Variants in CNBD1 observed in about 807,000 individuals in gnomAD.
The protein encoded by CNBD1 is cyclic nucleotide-binding domain-containing protein 1.
In CNBD1, 71 loss-of-function variants were observed where a neutral mutation model predicts 54.4. The ratio of observed to expected loss-of-function variants is 1.30; its 90% CI spans 1.08 to 1.59. CNBD1 has a LOEUF of 1.59. Ranked by LOEUF, CNBD1 falls within the 40% of genes most tolerant of loss-of-function variation. CNBD1 has a pLI of 0.00. For synonymous variants in CNBD1, 182 were observed against 170.7 expected, an observed-to-expected ratio of 1.07 and a Z score of -0.51; for missense variants, 659 against 518.0, an observed-to-expected ratio of 1.27 and a Z score of -2.64.
At chr8:87,389,261 C>A (rs1367593396) in intron 2 of CNBD1, among the ~76,000 whole-genome samples, 2 of 152,220 alleles carry the variant, frequency 1.3e-5, no homozygotes, top group East Asian at 3.9e-4. Context: ...GGCAATCAGG[C>A]AGGAGAAGGA....
At chr8:87,185,196 G>A (rs1351575992) in intron 4 of CNBD1, among the ~76,000 whole-genome samples, 1 of 151,970 alleles carries the variant, frequency 6.6e-6, no homozygotes, top group Non-Finnish European at 1.5e-5. Context: ...TCTTTTTTGA[G>A]GTGATTGTTT....
chr8:87,276,143 G>C (rs75403798), intron 6 of CNBD1, among the ~76,000 whole-genome samples: 1 of 151,862 alleles, frequency 6.6e-6, no homozygotes, highest in Non-Finnish European at 1.5e-5. Flanking sequence ...AGGCATTGGA[G>C]AGTCTTTGTT....
chr8:87,085,621 G>T (rs575388227), intron 4 of CNBD1, among the ~76,000 whole-genome samples: 1 of 152,236 alleles, frequency 6.6e-6, no homozygotes, highest in East Asian at 1.9e-4. Context: ...CAGCTGAGTA[G>T]CAAGTTTTCC....
At chr8:87,415,804 G>A (rs1320420386) in intron 2 of CNBD1, among the ~76,000 whole-genome samples, 2 of 151,480 alleles carry the variant, frequency 1.3e-5, no homozygotes, top group Admixed American at 1.3e-4. Context: ...ATTATCAAAC[G>A]GGAATAATAA....
intron 2 of CNBD1, among the ~76,000 whole-genome samples, chr8:87,407,589 A>T (rs1291019506): frequency 6.6e-6 from 1 of 151,980 alleles, no homozygotes; most frequent in Non-Finnish European, 1.5e-5. Flanking sequence ...TTTCAGATTG[A>T]TTTGTATGGA....
At chr8:87,224,765 T>C (rs1463489618) in intron 5 of CNBD1, among the ~76,000 whole-genome samples, 4 of 150,788 alleles carry the variant, frequency 2.7e-5, no homozygotes, top group Non-Finnish European at 5.9e-5. Flanking sequence ...AGTAGTTTTT[T>C]CCAATTCTGT....
At chr8:87,355,333 T>C (rs553698057) in intron 10 of CNBD1, among the ~76,000 whole-genome samples, 20 of 152,286 alleles carry the variant, frequency 1.3e-4, no homozygotes, top group African/African-American at 4.6e-4. Flanking sequence ...TCTTCTGGCT[T>C]TCATCTCTAA....
At chr8:87,343,206 C>T (rs1237691437) in intron 8 of CNBD1, among the ~76,000 whole-genome samples, 5 of 152,152 alleles carry the variant, frequency 3.3e-5, no homozygotes, top group Non-Finnish European at 7.4e-5. Context: ...TGGAAAATTG[C>T]AGTTATTCCG....
chr8:87,367,562 T>C (rs191099867), intron 10 of CNBD1, among the ~76,000 whole-genome samples: 1 of 152,130 alleles, frequency 6.6e-6, no homozygotes, highest in Non-Finnish European at 1.5e-5. Flanking sequence ...TGTTATGAGA[T>C]GTACTGCCTT....
intron 8 of CNBD1, among the ~76,000 whole-genome samples, chr8:87,309,936 C>A (rs1809230094): frequency 6.6e-6 from 1 of 151,968 alleles, no homozygotes. Context: ...ACCTAGAAAC[C>A]CCTAAAAACT....
At position 87,321,327 on chromosome 8, in the gene CNBD1, C is replaced by CTTACCAATT. The variant is rs1809523139; in HGVS notation, c.1043-30356_1043-30348dup. 4.6e-5 allele frequency among the ~76,000 whole-genome samples: 7 copies of CTTACCAATT among 152,226 alleles called. No homozygotes were observed. In the South Asian group the frequency reaches 1.5e-3, roughly 32 times the overall value. On this transcript the variant is annotated intron_variant, in intron 8 of 10. Coordinates refer to ENST00000518476, the MANE Select transcript of CNBD1 (RefSeq NM_173538.3). Reference sequence around the variant, plus strand: ...GCACGAGTTTCAATTTCAACATGTCCTTACCAATTTGTAGTTTTCTGGTTT... The same window carrying CTTACCAATT: ...GCACGAGTTTCAATTTCAACATGTCCTTACCAATTTTACCAATTTGTAGTTTTCTGGTTT...
chr8:87,002,588 CT>C (rs757566782), intron 4 of CNBD1, among the ~76,000 whole-genome samples: 181 of 143,106 alleles, frequency 1.3e-3, no homozygotes, highest in Middle Eastern at 3.6e-3. Flanking sequence ...ATGCTGAAAC[CT>C]TTTTTTTTTT....
chr8:87,082,041 G>A (rs1280431141), intron 4 of CNBD1, among the ~76,000 whole-genome samples: 1 of 152,120 alleles, frequency 6.6e-6, no homozygotes, highest in Non-Finnish European at 1.5e-5. Context: ...TGAATTGATT[G>A]TCAGGCCTCT....
chr8:86,951,710 T>G (rs891308558), intron 4 of CNBD1, among the ~76,000 whole-genome samples: 42 of 151,716 alleles, frequency 2.8e-4, no homozygotes, highest in Non-Finnish European at 5.9e-5. Context: ...AATTTACAGT[T>G]ATTTTAATTT....
intron 4 of CNBD1, among the ~76,000 whole-genome samples, chr8:87,144,446 C>T (rs950171990): frequency 6.6e-6 from 1 of 151,954 alleles, no homozygotes; most frequent in Non-Finnish European, 1.5e-5. Context: ...TACTTTGAAA[C>T]ATATAAAGGG....
intron 8 of CNBD1, among the ~76,000 whole-genome samples, chr8:87,300,996 C>A (rs1242775243): frequency 6.6e-6 from 1 of 151,928 alleles, no homozygotes; most frequent in Non-Finnish European, 1.5e-5. Context: ...AATAACCCCA[C>A]TAAGAAACAA....
intron 4 of CNBD1, among the ~76,000 whole-genome samples, chr8:87,176,474 T>C (rs1329459571): frequency 1.4e-5 from 2 of 143,332 alleles, no homozygotes; most frequent in African/African-American, 5.2e-5. Context: ...TTTTCAGTTT[T>C]AAGTTAGTAT....
chr8:86,956,754 A>G (rs1385392250), intron 4 of CNBD1, among the ~76,000 whole-genome samples: 1 of 152,210 alleles, frequency 6.6e-6, no homozygotes, highest in Admixed American at 6.5e-5. Context: ...TTTTATAAAT[A>G]TACAATCATG....
In CNBD1 at chr8:87,016,203, T is replaced by C. The variant is rs148801952; in HGVS notation, c.431+76449T>C. ...TTTATTAAAAATTAATTTGGTACAT[T>C]TAATCTCAAAACTCTCCAGTAATTT... On this transcript the variant is annotated intron_variant, in intron 4 of 10. Coordinates refer to ENST00000518476, the MANE Select transcript of CNBD1 (RefSeq NM_173538.3). Among the ~76,000 whole-genome samples the C allele has an allele frequency of 1.7e-3, 254 of 151,924 alleles. 2 individuals carry two copies. Among genetic ancestry groups the C allele is most frequent in the African/African-American group, 5.6e-3 (232 of 41,508 alleles).
Sources: allele counts gnomAD v4.1 joint callset (sites outside exome capture counted in the v4.1 genomes callset), GRCh38; gene constraint gnomAD v4.1.1; transcripts MANE v1.5; gene names NCBI Gene and HGNC (gene_info 2026-07-23, HGNC 2026-07-21).